Variants in IL1RAPL1 observed in about 807,000 individuals in gnomAD.
IL1RAPL1 encodes the protein interleukin 1 receptor accessory protein like 1.
IL1RAPL1 carries 3 observed loss-of-function variants against 48.4 expected under a neutral mutation model. The observed-to-expected ratio is 0.06, with a 90% confidence interval of 0.03 to 0.16. The LOEUF (loss-of-function observed/expected upper bound fraction) is 0.16, where lower values mean the gene tolerates loss of function less well. IL1RAPL1 is among the 10% of genes least tolerant of loss of function. The pLI is 1.00. For missense variants in IL1RAPL1, 349 were observed against 530.6 expected (o/e 0.66, Z 3.36); for synonymous variants, 185 against 187.7 (o/e 0.99, Z 0.12).
intron 2 of IL1RAPL1, among the ~76,000 whole-genome samples, chrX:29,097,247 A>G (rs1040500963): frequency 6.2e-5 from 7 of 112,212 alleles, no homozygotes; most frequent in African/African-American, 1.9e-4. Flanking sequence ...TAGAAAATCT[A>G]TCAGGTAACC....
chrX:29,557,054 C>T (rs768531278), intron 5 of IL1RAPL1, among the ~76,000 whole-genome samples: 2 of 111,839 alleles, frequency 1.8e-5, no homozygotes, highest in South Asian at 3.7e-4. Flanking sequence ...TACTTCAGCC[C>T]TTTATTATAG....
At chrX:29,533,813 AC>A (rs1161968231) in intron 5 of IL1RAPL1, among the ~76,000 whole-genome samples, 2 of 111,655 alleles carry the variant, frequency 1.8e-5, no homozygotes, top group Non-Finnish European at 3.8e-5. Context: ...ATTGTTTCAT[AC>A]TATCTTAGCT....
At chrX:29,402,353 C>A (rs757492419) in intron 5 of IL1RAPL1, among the ~76,000 whole-genome samples, 1 of 111,461 alleles carries the variant, frequency 9.0e-6, no homozygotes, top group South Asian at 3.8e-4. Context: ...TGTTGAGGCA[C>A]GTACTCCATG....
rs189394075 is a variant in IL1RAPL1, at chrX:29,945,162, C to T, written c.1201+3368C>T. ...TCTCTGTGGCCCTGAGGGCCCCCTT[C>T]TCAGAAACCCATGCAGGCTGTAAAC... On this transcript the variant is annotated intron_variant, in intron 9 of 10. Transcript: ENST00000378993. 5.9e-4 allele frequency among the ~76,000 whole-genome samples: 66 copies of T among 111,840 alleles called. 2 individuals carry two copies. Among genetic ancestry groups the T allele is most frequent in the Admixed American group, 5.7e-3 (60 of 10,544 alleles).
intron 6 of IL1RAPL1, among the ~76,000 whole-genome samples, chrX:29,809,846 G>T (rs1930343849): frequency 9.4e-6 from 1 of 105,849 alleles, no homozygotes; most frequent in Non-Finnish European, 1.9e-5. Context: ...TGCCTAAAAA[G>T]TAATTGTTTA....
At chrX:29,665,226 G>A (rs1219823309) in intron 5 of IL1RAPL1, among the ~76,000 whole-genome samples, 1 of 112,358 alleles carries the variant, frequency 8.9e-6, no homozygotes, top group Non-Finnish European at 1.9e-5. Context: ...GTGAGTGAGT[G>A]TGCATATGTG....
intron 3 of IL1RAPL1, among the ~76,000 whole-genome samples, chrX:29,385,955 T>C (rs186397616): frequency 1.5e-4 from 17 of 112,460 alleles, no homozygotes; most frequent in South Asian, 3.7e-4. Context: ...CTACCAGTAA[T>C]ACACAAGGGT....
At chrX:28,945,059 T>C (rs1167840211) in intron 2 of IL1RAPL1, among the ~76,000 whole-genome samples, 1 of 111,242 alleles carries the variant, frequency 9.0e-6, no homozygotes, top group Non-Finnish European at 1.9e-5. Flanking sequence ...AGATACCATC[T>C]CACGCCAGTC....
At chrX:29,279,844 C>T (rs1285301592) in intron 2 of IL1RAPL1, among the ~76,000 whole-genome samples, 1 of 111,180 alleles carries the variant, frequency 9.0e-6, no homozygotes, top group East Asian at 2.8e-4. Context: ...CCCAACACAA[C>T]TCTCTCTCTA....
chrX:29,707,763 A>G (rs1207366362), intron 6 of IL1RAPL1, among the ~76,000 whole-genome samples: 1 of 110,607 alleles, frequency 9.0e-6, no homozygotes, highest in Non-Finnish European at 1.9e-5. Flanking sequence ...AGAATGATAC[A>G]TTGGACTTTG....
At chrX:28,990,919 TCTC>T (rs749919580) in intron 2 of IL1RAPL1, among the ~76,000 whole-genome samples, 3 of 111,808 alleles carry the variant, frequency 2.7e-5, no homozygotes, top group South Asian at 3.7e-4. Flanking sequence ...AGCTATAACT[TCTC>T]CTACAATTAG....
intron 6 of IL1RAPL1, among the ~76,000 whole-genome samples, chrX:29,745,229 C>G (rs2147137910): frequency 9.1e-6 from 1 of 110,269 alleles, no homozygotes; most frequent in East Asian, 2.9e-4. Context: ...TTAATTCCTC[C>G]AAGTCCAATT....
intron 2 of IL1RAPL1, among the ~76,000 whole-genome samples, chrX:29,157,674 T>A (rs911028810): frequency 4.4e-5 from 4 of 91,146 alleles, no homozygotes; most frequent in Admixed American, 2.6e-4. Context: ...ATACTCCATT[T>A]ATTAGCTGTA....
intron 5 of IL1RAPL1, among the ~76,000 whole-genome samples, chrX:29,502,024 T>C (rs1225852303): frequency 9.0e-6 from 1 of 111,232 alleles, no homozygotes; most frequent in Non-Finnish European, 1.9e-5. Flanking sequence ...ATAGTTCTCT[T>C]TGTGTAGAAC....
intron 5 of IL1RAPL1, among the ~76,000 whole-genome samples, chrX:29,543,115 TTCTCTCTCTCTCTCTCTCTC>T (rs59836290): frequency 2.2e-5 from 2 of 91,683 alleles, no homozygotes; most frequent in African/African-American, 8.3e-5. Context: ...ATCTGTTCGT[TTCTCTCTCTCTCTCTCTCTC>T]TCTCTCTCTC....
intron 2 of IL1RAPL1, among the ~76,000 whole-genome samples, chrX:29,272,735 C>T (rs1237528554): frequency 9.0e-6 from 1 of 111,720 alleles, no homozygotes; most frequent in African/African-American, 3.3e-5. Context: ...TGGATGATGT[C>T]CTCAAATATG....
At chrX:28,710,061 T>A (rs1439651004) in intron 1 of IL1RAPL1, among the ~76,000 whole-genome samples, 1 of 111,318 alleles carries the variant, frequency 9.0e-6, no homozygotes, top group Non-Finnish European at 1.9e-5. Context: ...AACAAAGTGA[T>A]TTGATGAACA....
At chrX:28,863,348 T>C (rs1415960363) in intron 2 of IL1RAPL1, among the ~76,000 whole-genome samples, 1 of 107,949 alleles carries the variant, frequency 9.3e-6, no homozygotes, top group African/African-American at 3.4e-5. Context: ...AAAAAAAAAA[T>C]GAGTGTGGTT....
At chrX:29,770,246 T>C (rs113388184) in intron 6 of IL1RAPL1, among the ~76,000 whole-genome samples, 2 of 112,076 alleles carry the variant, frequency 1.8e-5, no homozygotes, top group African/African-American at 6.5e-5. Flanking sequence ...AAATAGCAGA[T>C]TAGTTGCAAT....
Sources: gnomAD v4.1 joint callset for allele counts (sites outside exome capture counted in the v4.1 genomes callset) on GRCh38, gnomAD v4.1.1 for gene constraint, MANE v1.5 for transcripts, NCBI Gene and HGNC (gene_info 2026-07-23, HGNC 2026-07-21) for gene names.